CSMD1: variants seen among roughly 807,000 people sequenced by gnomAD.
CSMD1 encodes the protein CUB and Sushi multiple domains 1, also known as CUB and sushi domain-containing protein 1.
In CSMD1, 213 loss-of-function variants were observed where a neutral mutation model predicts 417.5. That is an observed-to-expected ratio of 0.51 (90% CI 0.46 to 0.57). The LOEUF (loss-of-function observed/expected upper bound fraction) is 0.57, where lower values mean the gene tolerates loss of function less well. CSMD1 is among the 20% of genes least tolerant of loss of function. The pLI is 0.00. For synonymous variants in CSMD1, 2,862 were observed against 1,736.8 expected, an observed-to-expected ratio of 1.65 and a Z score of -16.11; for missense variants, 6,923 against 4,529.7, an observed-to-expected ratio of 1.53 and a Z score of -15.17.
At chr8:4,321,332 T>C (rs1394964312) in intron 3 of CSMD1, among the ~76,000 whole-genome samples, 1 of 152,106 alleles carries the variant, frequency 6.6e-6, no homozygotes, top group Admixed American at 6.6e-5. Context: ...GAAATGGCCA[T>C]ACGTCTTCTC....
chr8:3,809,832 G>C (rs1249840774), intron 5 of CSMD1, among the ~76,000 whole-genome samples: 6 of 152,146 alleles, frequency 3.9e-5, no homozygotes, highest in Admixed American at 2.0e-4. Flanking sequence ...GAAAACGCAA[G>C]AATGCAGACC....
Position 4,305,216 on chromosome 8 carries a change from G to C in CSMD1, c.415+114737C>G. Among the ~76,000 whole-genome samples the C allele has an allele frequency of 1.3e-5, 2 of 152,334 alleles. 1 individual carries two copies. The highest frequency in any genetic ancestry group is 6.8e-3 in the Middle Eastern group (2 of 294). ...CACAAACACACTCCCCAACAGAGAAGGATGAAGTGCCAGCAAACTTTGAGG... is the reference window on the plus strand; with the variant it reads ...CACAAACACACTCCCCAACAGAGAACGATGAAGTGCCAGCAAACTTTGAGG... On this transcript the variant is annotated intron_variant, in intron 3 of 69. Transcript: ENST00000635120.
rs79612300 is a variant in CSMD1 at position 4,462,472 on chromosome 8, T to C, written c.303-42407A>G. On this transcript the variant is annotated intron_variant, in intron 2 of 69. Transcript: ENST00000635120. ...TCCTATTAAAATCTCTGCTGGCTTATTTGCGTACATTAACAAGCTGATCCT... is the reference window on the plus strand; with the variant it reads ...TCCTATTAAAATCTCTGCTGGCTTACTTGCGTACATTAACAAGCTGATCCT... Among the ~76,000 whole-genome samples, 41 of 152,232 alleles carry C rather than the reference T, an allele frequency of 2.7e-4. 1 individual carries two copies. The East Asian group carries it at 6.0e-3, about 22-fold the overall frequency.
chr8:3,371,158 A>C (rs1365955355), intron 18 of CSMD1, among the ~76,000 whole-genome samples: 1 of 152,070 alleles, frequency 6.6e-6, no homozygotes, highest in Non-Finnish European at 1.5e-5. Context: ...GCTTTTCCAG[A>C]TGTCTAGCTT....
At chr8:2,945,406 T>C (rs949076592) in intron 68 of CSMD1, among the ~76,000 whole-genome samples, 6 of 152,208 alleles carry the variant, frequency 3.9e-5, no homozygotes, top group African/African-American at 1.2e-4. Context: ...ATAACAGCAT[T>C]TATTTAGCCA....
At chr8:4,640,403 G>A (rs1163979736) in intron 1 of CSMD1, among the ~76,000 whole-genome samples, 2 of 152,196 alleles carry the variant, frequency 1.3e-5, no homozygotes, top group East Asian at 3.8e-4. Flanking sequence ...CGTGATTAAA[G>A]CAGTGTTTGA....
At chr8:4,376,097 A>G (rs1280971391) in intron 3 of CSMD1, among the ~76,000 whole-genome samples, 1 of 152,244 alleles carries the variant, frequency 6.6e-6, no homozygotes, top group Admixed American at 6.5e-5. Flanking sequence ...TATCATAACT[A>G]AGTAGGACTC....
chr8:4,416,680 A>G (rs1447801379), intron 3 of CSMD1, among the ~76,000 whole-genome samples: 11 of 152,110 alleles, frequency 7.2e-5, no homozygotes, highest in Non-Finnish European at 1.6e-4. Flanking sequence ...AACAATTTTT[A>G]GATGACCGTG....
At chr8:4,780,665 T>C (rs2117187745) in intron 1 of CSMD1, among the ~76,000 whole-genome samples, 1 of 152,298 alleles carries the variant, frequency 6.6e-6, no homozygotes, top group East Asian at 1.9e-4. Flanking sequence ...GGTGCACCCA[T>C]CACCCGAGTG....
chr8:3,514,433 T>C lies in CSMD1; in HGVS notation c.1345-20707A>G, dbSNP rs568699234. ...TACATAATGTCTTGCAAATGTGGTG[T>C]TATCCCCATCTGCTCACGGGTCATC... On this transcript the variant is annotated intron_variant, in intron 10 of 69. Transcript: ENST00000635120. Among the ~76,000 whole-genome samples, 37 of 152,314 alleles carry C rather than the reference T, an allele frequency of 2.4e-4. 1 individual carries two copies. The East Asian group carries it at 4.1e-3, about 17-fold the overall frequency.
chr8:3,603,547 G>C lies in CSMD1; in HGVS notation c.1097+13163C>G, dbSNP rs556809766. 4.6e-5 allele frequency among the ~76,000 whole-genome samples: 7 copies of C among 152,200 alleles called. No individual in the cohort carries two copies. The East Asian group carries it at 1.4e-3, about 29-fold the overall frequency. On this transcript the variant is annotated intron_variant, in intron 8 of 69. Coordinates refer to ENST00000635120, the MANE Select transcript of CSMD1 (RefSeq NM_033225.6). ...CTTACAGAAATGAACACTGGTTCAA[G>C]AAATAAGATCATGTTTGAGTTTCAA... is the stretch of plus-strand genomic sequence containing the variant.
intron 3 of CSMD1, among the ~76,000 whole-genome samples, chr8:4,222,090 G>T (rs1028058683): frequency 2.3e-5 from 3 of 128,040 alleles, no homozygotes; most frequent in Non-Finnish European, 5.2e-5. Context: ...ATTAGTGGAA[G>T]AAAGATCAAA....
intron 12 of CSMD1, among the ~76,000 whole-genome samples, chr8:3,451,387 G>C (rs1815702387): frequency 6.6e-6 from 1 of 152,154 alleles, no homozygotes. Flanking sequence ...TGAAGTCCTT[G>C]CCCATGGCTA....
chr8:4,323,286 G>C (rs1262088457), intron 3 of CSMD1, among the ~76,000 whole-genome samples: 1 of 152,126 alleles, frequency 6.6e-6, no homozygotes, highest in Admixed American at 6.5e-5. Context: ...AGGTTCAACA[G>C]ACTTATTTCA....
At chr8:4,407,810 G>C (rs181789499) in intron 3 of CSMD1, among the ~76,000 whole-genome samples, 5 of 152,282 alleles carry the variant, frequency 3.3e-5, no homozygotes, top group Admixed American at 2.0e-4. Flanking sequence ...TGGCATATGA[G>C]AAGGTTTTGA....
chr8:4,919,212 T>C (rs1806271059), intron 1 of CSMD1, among the ~76,000 whole-genome samples: 1 of 152,178 alleles, frequency 6.6e-6, no homozygotes, highest in Non-Finnish European at 1.5e-5. Context: ...ATTAAAACAC[T>C]TTGTAATTTA....
At chr8:3,971,307 G>A (rs371275107) in intron 5 of CSMD1, among the ~76,000 whole-genome samples, 2 of 152,216 alleles carry the variant, frequency 1.3e-5, no homozygotes, top group African/African-American at 2.4e-5. Context: ...GGGTTCTCCT[G>A]AGTTTCCAGT....
At chr8:4,010,912 A>G (rs904628599) in intron 4 of CSMD1, among the ~76,000 whole-genome samples, 3 of 152,174 alleles carry the variant, frequency 2.0e-5, no homozygotes, top group African/African-American at 4.8e-5. Context: ...CTAACTTTAC[A>G]TATATGGCCA....
At chr8:4,037,149 G>C (rs963650457) in intron 3 of CSMD1, among the ~76,000 whole-genome samples, 1 of 152,158 alleles carries the variant, frequency 6.6e-6, no homozygotes, top group Non-Finnish European at 1.5e-5. Flanking sequence ...TGAATGTAGA[G>C]CTCACATGTG....
Sources: gnomAD v4.1 joint callset for allele counts (sites outside exome capture counted in the v4.1 genomes callset) on GRCh38, gnomAD v4.1.1 for gene constraint, MANE v1.5 for transcripts, NCBI Gene and HGNC (gene_info 2026-07-23, HGNC 2026-07-21) for gene names.